Variants in ALS2 observed in about 807,000 individuals in gnomAD.
ALS2 encodes alsin.
In ALS2, 117 loss-of-function variants were observed where a neutral mutation model predicts 203.4. The observed-to-expected ratio is 0.58, with a 90% confidence interval of 0.50 to 0.67. The LOEUF is 0.67. Among genes scored for constraint, ALS2 ranks in the 30% least tolerant of loss-of-function variants. The probability of loss-of-function intolerance (pLI) is 0.00; values close to 1 mark genes in which losing one functional copy is unlikely to be tolerated. For missense variants in ALS2, 1,715 were observed against 1,989.4 expected, an observed-to-expected ratio of 0.86 and a Z score of 2.62; for synonymous variants, 718 against 725.9, an observed-to-expected ratio of 0.99 and a Z score of 0.17.
chr2:201,739,235 CA>C (rs34341730), intron 11 of ALS2, among the ~76,000 whole-genome samples: 14,347 of 42,348 alleles, frequency 0.34, 1,032 homozygotes, highest in African/African-American at 0.45. Flanking sequence ...GACTGTCTCC[CA>C]AAAAAAAAAA....
chr2:201,729,608 C>T (rs759881432), intron 13 of ALS2, among the ~76,000 whole-genome samples: 3 of 151,970 alleles, frequency 2.0e-5, no homozygotes, highest in African/African-American at 2.4e-5. Flanking sequence ...TGGTAGGGCG[C>T]GGTGGCTCAC....
intron 12 of ALS2, among the ~76,000 whole-genome samples, chr2:201,734,057 C>T (rs1691731972): frequency 6.6e-6 from 1 of 152,034 alleles, no homozygotes; most frequent in Non-Finnish European, 1.5e-5. Context: ...AAACTGAAGC[C>T]AAAAATTAGC....
At chr2:201,722,730 A>G (rs2105997211) in intron 23 of ALS2, 1 of 335,404 alleles carries the variant, frequency 3.0e-6, no homozygotes, top group Admixed American at 4.6e-5. Flanking sequence ...AGGAGATTGC[A>G]TGTATGATTC....
intron 7 of ALS2, among the ~76,000 whole-genome samples, 166 bp from the exon 8 acceptor site, chr2:201,749,955 T>C (rs1692929578): frequency 6.6e-6 from 1 of 152,178 alleles, no homozygotes; most frequent in African/African-American, 2.4e-5. Context: ...AATTCATTTT[T>C]AACAAGACCA....
At chr2:201,720,754 G>C (rs1467900544) in intron 23 of ALS2, among the ~76,000 whole-genome samples, 3 of 151,180 alleles carry the variant, frequency 2.0e-5, no homozygotes, top group Non-Finnish European at 4.4e-5. Flanking sequence ...CACACACAAA[G>C]CTTTTCTCTA....
Position 201,738,710 on chromosome 2 carries a change from G to T in ALS2, c.2377C>A (p.Leu793Met). The change falls in exon 12 of 34, where the codon CTG (leucine) becomes ATG (methionine). Residue 793 changes from leucine (L) to methionine (M), a missense_variant. Leu to Met is a conservative substitution (Grantham distance 15). Transcript: ENST00000264276. The part of the protein sequence containing the change: ...TEYCTSITNF[L>M]VMGGFQLLAK... ...AGAAGCTGGAATCCTCCCATAACCA[G>T]GAAATTTGTAATAGATGTGCAATAC... 1.2e-6 allele frequency: 2 copies of T among 1,613,976 alleles called. No homozygotes were observed. Among genetic ancestry groups the T allele is most frequent in the Non-Finnish European group, 1.7e-6 (2 of 1,179,938 alleles).
chr2:201,759,503 T>C (rs1693628144), intron 4 of ALS2: 2 of 973,154 alleles, frequency 2.1e-6, no homozygotes, highest in Non-Finnish European at 2.4e-6. Flanking sequence ...ACATTGTTAC[T>C]AGCATAAGTA....
intron 1 of ALS2, among the ~76,000 whole-genome samples, chr2:201,774,115 C>T (rs1301026862): frequency 6.6e-6 from 1 of 152,064 alleles, no homozygotes; most frequent in East Asian, 1.9e-4. Flanking sequence ...GGAGCAGTAG[C>T]TGAAGGGGAA....
Position 201,707,909 on chromosome 2 carries a change from T to C in ALS2, c.4363A>G (p.Thr1455Ala), listed in dbSNP as rs927679453. Residue 1455 changes from threonine to alanine, a missense_variant, in exon 28 of 34, where the codon ACT becomes GCT. By Grantham distance (58) the Thr-to-Ala change is moderately conservative (BLOSUM62 0). This residue lies in a region of ALS2 where 1,227 missense variants were observed against 1,413.5 expected (regional missense o/e 0.87). Transcript: ENST00000264276. ...PLPTERKSFCTGKSDSRSESP... is the reference protein window; with the variant it reads ...PLPTERKSFCAGKSDSRSESP... ...TCAGATCGGGAATCTGACTTCCCAG[T>C]GCAAAAAGACTTCCTTTCGGTTGGC... 8 of 1,613,484 alleles carry C rather than the reference T, an allele frequency of 5.0e-6. No individual in the cohort carries two copies. Among genetic ancestry groups the C allele is most frequent in the Non-Finnish European group, 5.9e-6 (7 of 1,179,688 alleles).
chr2:201,760,436 T>C (rs1338117856), intron 4 of ALS2: 1 of 990,964 alleles, frequency 1.0e-6, no homozygotes, highest in Non-Finnish European at 1.2e-6. Flanking sequence ...CTGCCTACAA[T>C]TGAAGGATCT....
intron 28 of ALS2, among the ~76,000 whole-genome samples, chr2:201,707,336 T>C (rs1226166609): frequency 6.6e-6 from 1 of 152,178 alleles, no homozygotes; most frequent in East Asian, 1.9e-4. Context: ...AAGCAGCCTT[T>C]GTGCTCAGAT....
intron 12 of ALS2, among the ~76,000 whole-genome samples, chr2:201,735,425 AG>A (rs1691815879): frequency 6.6e-6 from 1 of 152,258 alleles, no homozygotes; most frequent in Admixed American, 6.5e-5. Context: ...TCAAACCACC[AG>A]GCAAGCCTGA....
intron 23 of ALS2, chr2:201,722,347 T>C (rs6736878): frequency 0.19 from 29,610 of 152,196 alleles, 3,276 homozygotes; most frequent in East Asian, 0.39. Flanking sequence ...TATTTTTTGA[T>C]ATGGAGAAAT....
intron 3 of ALS2, chr2:201,763,082 TC>T: frequency 5.6e-6 from 1 of 177,916 alleles, no homozygotes; most frequent in Non-Finnish European, 1.2e-5. Context: ...CACACCAGAT[TC>T]CAGGTGTTTG....
At position 201,770,551 on chromosome 2, in the gene ALS2, G is replaced by C. The variant is rs144927893; in HGVS notation, c.-60-1606C>G. 3.9e-5 allele frequency among the ~76,000 whole-genome samples: 6 copies of C among 152,158 alleles called. No homozygotes were observed. The East Asian group carries it at 1.2e-3, about 29-fold the overall frequency. ...GCAGGCCAAATAACGGTCTCCAAAGGCATCAAGGTCCTAATGCCCAGAACT... is the reference window on the plus strand; with the variant it reads ...GCAGGCCAAATAACGGTCTCCAAAGCCATCAAGGTCCTAATGCCCAGAACT... On this transcript the variant is annotated intron_variant, in intron 1 of 33. Coordinates refer to ENST00000264276, the MANE Select transcript of ALS2 (RefSeq NM_020919.4).
At chr2:201,737,766 A>G (rs1202988032) in intron 12 of ALS2, among the ~76,000 whole-genome samples, 1 of 152,174 alleles carries the variant, frequency 6.6e-6, no homozygotes, top group African/African-American at 2.4e-5. Flanking sequence ...TACTAAAAGT[A>G]CAAAAATTAG....
At chr2:201,727,642 T>A (rs542694441) in intron 16 of ALS2, 63 bp downstream of exon 16, 2 of 1,457,916 alleles carry the variant, frequency 1.4e-6, no homozygotes, top group African/African-American at 2.8e-5. Flanking sequence ...TTTTTCACAT[T>A]TAAGGAAGCA....
rs1254598758 is a variant in ALS2, at chr2:201,707,983, A to G, written c.4289T>C (p.Phe1430Ser). The part of the protein sequence containing the change: ...KRIFQLVRFL[F>S]PELPEEGSTI... Reference sequence around the variant, plus strand: ...GCTGCCTTCTTCAGGCAGCTCAGGAAATAAGAACCTAAGGAAGAATAAAAA... The same window carrying G: ...GCTGCCTTCTTCAGGCAGCTCAGGAGATAAGAACCTAAGGAAGAATAAAAA... Residue 1430 changes from phenylalanine (F) to serine (S), a missense_variant, in exon 28 of 34, where the codon TTT becomes TCT. By Grantham distance (155) the Phe-to-Ser change is radical. Coordinates refer to ENST00000264276, the MANE Select transcript of ALS2 (RefSeq NM_020919.4). 2 of 1,612,322 alleles carry G rather than the reference A, an allele frequency of 1.2e-6. No individual in the cohort carries two copies. Among genetic ancestry groups the G allele is most frequent in the Non-Finnish European group, 8.5e-7 (1 of 1,178,868 alleles).
chr2:201,755,162 G>A (rs79531326), intron 5 of ALS2, among the ~76,000 whole-genome samples: 7,942 of 152,290 alleles, frequency 0.052, 298 homozygotes, highest in Middle Eastern at 0.15. Flanking sequence ...AGGCTGAGAT[G>A]GAAGGATTCC....
Sources: gnomAD v4.1 joint callset for allele counts (sites outside exome capture counted in the v4.1 genomes callset) on GRCh38, gnomAD v4.1.1 for gene constraint, gnomAD v4.1.1 regional missense constraint, MANE v1.5 for transcripts, NCBI Gene and HGNC (gene_info 2026-07-23, HGNC 2026-07-21) for gene names.